Variants in NUBPL observed in about 807,000 individuals in gnomAD.
NUBPL encodes iron-sulfur cluster transfer protein NUBPL.
In NUBPL, 31 loss-of-function variants were observed where a neutral mutation model predicts 45.7. The ratio of observed to expected loss-of-function variants is 0.68; its 90% CI spans 0.51 to 0.92. NUBPL has a LOEUF of 0.92. NUBPL is among the 40% of genes least tolerant of loss of function. The probability of loss-of-function intolerance (pLI) is 0.00; values close to 1 mark genes in which losing one functional copy is unlikely to be tolerated. For missense variants in NUBPL, 401 were observed against 398.7 expected (o/e 1.01, Z -0.05); for synonymous variants, 144 against 140.9 (o/e 1.02, Z -0.15).
intron 6 of NUBPL, among the ~76,000 whole-genome samples, chr14:31,714,001 G>C (rs141504541): frequency 6.6e-6 from 1 of 152,120 alleles, no homozygotes; most frequent in Non-Finnish European, 1.5e-5. Context: ...AGTACTGATT[G>C]GCTATGTAGA....
At chr14:31,715,375 G>T (rs995778346) in intron 6 of NUBPL, among the ~76,000 whole-genome samples, 1 of 152,108 alleles carries the variant, frequency 6.6e-6, no homozygotes, top group Non-Finnish European at 1.5e-5. Flanking sequence ...TAACAACATG[G>T]ATATTTTCTG....
At chr14:31,807,854 T>A (rs1382359806) in intron 7 of NUBPL, among the ~76,000 whole-genome samples, 1 of 152,252 alleles carries the variant, frequency 6.6e-6, no homozygotes, top group Non-Finnish European at 1.5e-5. Flanking sequence ...TAGCCAGTTT[T>A]CCCAGCACCA....
At chr14:31,574,836 C>A (rs958424209) in intron 3 of NUBPL, among the ~76,000 whole-genome samples, 3 of 152,098 alleles carry the variant, frequency 2.0e-5, no homozygotes, top group Non-Finnish European at 4.4e-5. Flanking sequence ...CTGCCTCGGC[C>A]TCTCAAAGTG....
intron 7 of NUBPL, among the ~76,000 whole-genome samples, chr14:31,789,904 C>A (rs1392478906): frequency 7.4e-6 from 1 of 134,378 alleles, no homozygotes. Context: ...TGTGATTTTT[C>A]TTTTTTTTTT....
chr14:31,757,058 A>T (rs1342289162), intron 6 of NUBPL, among the ~76,000 whole-genome samples: 1 of 152,038 alleles, frequency 6.6e-6, no homozygotes, highest in East Asian at 1.9e-4. Flanking sequence ...AGCCCACTTG[A>T]TTATGGTGAA....
At position 31,819,078 on chromosome 14, in the gene NUBPL, C is replaced by T. The variant is rs1023266180; in HGVS notation, c.608-7551C>T. On this transcript the variant is annotated intron_variant, in intron 7 of 10. Transcript: ENST00000281081. ...TAAATTATGTTTCTTTCTGCTGATA[C>T]TAATATTGGTAGGTAATCCTTGATC... Among the ~76,000 whole-genome samples the T allele has an allele frequency of 2.0e-5, 3 of 152,116 alleles. No homozygotes were observed. The East Asian group carries it at 5.8e-4, about 29-fold the overall frequency.
intron 4 of NUBPL, among the ~76,000 whole-genome samples, chr14:31,622,883 G>A (rs746177262): frequency 1.4e-4 from 22 of 152,234 alleles, no homozygotes; most frequent in Non-Finnish European, 2.6e-4. Flanking sequence ...CCCTACTGGG[G>A]CACTTCCTAG....
At chr14:31,842,032 G>A (rs1156579458) in intron 8 of NUBPL, among the ~76,000 whole-genome samples, 5 of 137,398 alleles carry the variant, frequency 3.6e-5, no homozygotes, top group Non-Finnish European at 6.1e-5. Context: ...CCAGGTTCAC[G>A]CCATTCTCCT....
chr14:31,683,875 C>T (rs1410524629), intron 6 of NUBPL, among the ~76,000 whole-genome samples: 1 of 152,066 alleles, frequency 6.6e-6, no homozygotes, highest in Admixed American at 6.5e-5. Flanking sequence ...TTTGAGTTGA[C>T]ATTTTAAATT....
intron 6 of NUBPL, among the ~76,000 whole-genome samples, chr14:31,742,248 AC>A (rs2038301531): frequency 7.9e-6 from 1 of 126,224 alleles, no homozygotes; most frequent in Non-Finnish European, 1.7e-5. Flanking sequence ...ACACACACAC[AC>A]ACACACACAC....
At chr14:31,709,000 G>T (rs1240448555) in intron 6 of NUBPL, among the ~76,000 whole-genome samples, 1 of 152,170 alleles carries the variant, frequency 6.6e-6, no homozygotes, top group Non-Finnish European at 1.5e-5. Flanking sequence ...AACCACCAAG[G>T]TTTGTTTGTC....
chr14:31,747,021 G>A (rs12888529), intron 6 of NUBPL, among the ~76,000 whole-genome samples: 1 of 138,188 alleles, frequency 7.2e-6, no homozygotes, highest in African/African-American at 2.7e-5. Context: ...AGTGAGCTGA[G>A]ATTGTGCCAC....
At chr14:31,724,591 T>C (rs1374317722) in intron 6 of NUBPL, among the ~76,000 whole-genome samples, 1 of 152,236 alleles carries the variant, frequency 6.6e-6, no homozygotes, top group East Asian at 1.9e-4. Flanking sequence ...TAGCTAGCAT[T>C]GTTTGAATGT....
intron 4 of NUBPL, among the ~76,000 whole-genome samples, chr14:31,606,247 C>T (rs1660078716): frequency 6.6e-6 from 1 of 151,788 alleles, no homozygotes; most frequent in Non-Finnish European, 1.5e-5. Flanking sequence ...GCGTGTGCCA[C>T]CATACTGGCT....
At chr14:31,799,896 A>T (rs1027848780) in intron 7 of NUBPL, among the ~76,000 whole-genome samples, 1 of 152,206 alleles carries the variant, frequency 6.6e-6, no homozygotes, top group Non-Finnish European at 1.5e-5. Context: ...ATGCTGTTTG[A>T]TAGCATTTAA....
chr14:31,715,777 T>C (rs192215719), intron 6 of NUBPL, among the ~76,000 whole-genome samples: 4 of 152,306 alleles, frequency 2.6e-5, no homozygotes, highest in Admixed American at 1.3e-4. Context: ...TTTATAAACA[T>C]TGTACACTTA....
At chr14:31,834,219 T>A (rs1274346055) in intron 8 of NUBPL, among the ~76,000 whole-genome samples, 1 of 137,518 alleles carries the variant, frequency 7.3e-6, no homozygotes, top group Non-Finnish European at 1.5e-5. Flanking sequence ...TCTTGCTCTG[T>A]CGCCAGGCTG....
intron 6 of NUBPL, among the ~76,000 whole-genome samples, chr14:31,785,650 GTCTGTCTA>G: frequency 6.6e-6 from 1 of 152,220 alleles, no homozygotes; most frequent in East Asian, 1.9e-4. Flanking sequence ...TGATTTGTTT[GTCTGTCTA>G]TCTGTCTATC....
intron 8 of NUBPL, among the ~76,000 whole-genome samples, chr14:31,834,383 G>A (rs1487537683): frequency 1.3e-5 from 2 of 151,954 alleles, no homozygotes; most frequent in Non-Finnish European, 2.9e-5. Flanking sequence ...GTTTCACCGT[G>A]TTAGCCAGGA....
Sources: allele counts gnomAD v4.1 joint callset (sites outside exome capture counted in the v4.1 genomes callset), GRCh38; gene constraint gnomAD v4.1.1; transcripts MANE v1.5; gene names NCBI Gene and HGNC (gene_info 2026-07-23, HGNC 2026-07-21).